Variants in WDR93 observed in about 807,000 individuals in gnomAD.
WDR93 encodes the protein WD repeat-containing protein 93.
Under a neutral mutation model 82.9 loss-of-function variants are expected in WDR93, and 73 were observed. That is an observed-to-expected ratio of 0.88 (90% CI 0.73 to 1.07). WDR93 has a LOEUF of 1.07. WDR93 is among the 50% of genes least tolerant of loss of function. WDR93 has a pLI of 0.00. For missense variants in WDR93, 738 were observed against 826.0 expected (o/e 0.89, Z 1.31); for synonymous variants, 283 against 300.1 (o/e 0.94, Z 0.59).
chr15:89,719,093 C>G (rs532676910), intron 7 of WDR93, among the ~76,000 whole-genome samples: 1 of 150,474 alleles, frequency 6.6e-6, no homozygotes, highest in Non-Finnish European at 1.5e-5. Context: ...TTTTCTTTTT[C>G]TTTTTTCATT....
intron 5 of WDR93, among the ~76,000 whole-genome samples, chr15:89,712,935 G>A (rs1874156018): frequency 6.6e-6 from 1 of 151,994 alleles, no homozygotes; most frequent in Non-Finnish European, 1.5e-5. Context: ...GACCAGCCTG[G>A]CCAACATGGT....
intron 8 of WDR93, 131 bp from the exon 9 acceptor site, chr15:89,727,026 A>G (rs760352686): frequency 8.0e-5 from 83 of 1,038,378 alleles, no homozygotes; most frequent in Non-Finnish European, 1.1e-4. Flanking sequence ...ATACAGACCA[A>G]TTGCAGAGCA....
intron 3 of WDR93, chr15:89,703,467 C>A: frequency 2.7e-6 from 1 of 365,480 alleles, no homozygotes; most frequent in Non-Finnish European, 5.1e-6. Context: ...GCAGTATGGC[C>A]CTGGAGTCCA....
chr15:89,705,669 A>G, intron 4 of WDR93, 51 bp downstream of exon 4: 1 of 1,223,286 alleles, frequency 8.2e-7, no homozygotes, highest in Non-Finnish European at 1.2e-6. Flanking sequence ...GTAGCAAATT[A>G]AGTTTATTTT....
In WDR93 at chr15:89,716,965, G is replaced by GA. The variant is rs1966279119; in HGVS notation, c.795+20dup. ...TTTAGAAATGGTAAGAAACTTTAAAGAAAATCTCCAGAGAGACTTAAGTTT... is the reference window on the plus strand; with the variant it reads ...TTTAGAAATGGTAAGAAACTTTAAAGAAAAATCTCCAGAGAGACTTAAGTTT... On this transcript the variant is annotated intron_variant, in intron 7 of 16. Coordinates refer to ENST00000268130, the MANE Select transcript of WDR93 (RefSeq NM_020212.2). 6.7e-7 allele frequency: 1 copy of GA among 1,483,130 alleles called. No homozygotes were observed. The highest frequency in any genetic ancestry group is 2.1e-5 in the Admixed American group (1 of 48,074). The allele number at this position is 1,483,130 out of a possible 1,614,324, so 91.9% of individuals were successfully genotyped here. A position where few individuals can be genotyped will look rare whatever the true frequency, so the allele number is the denominator to read the frequency against.
intron 1 of WDR93, among the ~76,000 whole-genome samples, chr15:89,700,538 A>G (rs1257031680): frequency 2.7e-5 from 4 of 146,144 alleles, no homozygotes; most frequent in African/African-American, 1.0e-4. Context: ...AAGCCTTTTT[A>G]TAATGTACAC....
chr15:89,699,966 G>C (rs1187573056), intron 1 of WDR93, among the ~76,000 whole-genome samples: 1 of 151,936 alleles, frequency 6.6e-6, no homozygotes, highest in Non-Finnish European at 1.5e-5. Flanking sequence ...CCTTTCTATA[G>C]CCCAAGTAAT....
intron 1 of WDR93, among the ~76,000 whole-genome samples, chr15:89,701,148 T>C (rs555210574): frequency 6.6e-6 from 1 of 152,338 alleles, no homozygotes; most frequent in Non-Finnish European, 1.5e-5. Context: ...CTTTTTTTAA[T>C]GTCTCAAACA....
At chr15:89,697,832 A>G (rs1965256505) in intron 1 of WDR93, among the ~76,000 whole-genome samples, 1 of 151,750 alleles carries the variant, frequency 6.6e-6, no homozygotes, top group African/African-American at 2.4e-5. Context: ...TAGGTGCATA[A>G]ACATTTAGGA....
rs1160042418 is a variant in WDR93, at chr15:89,703,073, G to A, written c.427G>A (p.Val143Ile). 1 of 1,614,054 alleles carries A rather than the reference G, an allele frequency of 6.2e-7. No homozygotes were observed. The highest frequency in any genetic ancestry group is 8.5e-7 in the Non-Finnish European group (1 of 1,180,030). The change falls in exon 3 of 17, where the codon GTT (valine) becomes ATT (isoleucine). Residue 143 changes from valine to isoleucine, a missense_variant. Physicochemically the swap from Val to Ile is conservative, Grantham distance 29 (BLOSUM62 3). Coordinates refer to ENST00000268130, the MANE Select transcript of WDR93 (RefSeq NM_020212.2). ...KQIYAWEKLKVDVTSIWATDL... is the reference protein window; with the variant it reads ...KQIYAWEKLKIDVTSIWATDL... ...AATATATGCGTGGGAGAAGCTTAAGGTTGATGTCACTTCCATCTGGGCCAC... is the reference window on the plus strand; with the variant it reads ...AATATATGCGTGGGAGAAGCTTAAGATTGATGTCACTTCCATCTGGGCCAC...
intron 4 of WDR93, among the ~76,000 whole-genome samples, chr15:89,705,963 G>A (rs1965707803): frequency 6.6e-6 from 1 of 152,118 alleles, no homozygotes; most frequent in South Asian, 2.1e-4. Context: ...TGTTCCTTCT[G>A]CTTCAAATGC....
intron 14 of WDR93, 141 bp from the exon 15 acceptor site, chr15:89,737,432 T>C: frequency 8.7e-7 from 1 of 1,148,140 alleles, no homozygotes; most frequent in Admixed American, 2.2e-5. Context: ...CCAGCAGCCC[T>C]GGATGGATCC....
chr15:89,743,276 G>A lies in WDR93; in HGVS notation c.1962-16G>A, dbSNP rs1401257058. The A allele has an allele frequency of 1.7e-5, 28 of 1,613,978 alleles. No individual in the cohort carries two copies. The highest frequency in any genetic ancestry group is 2.3e-5 in the Non-Finnish European group (27 of 1,179,826). On this transcript the variant is annotated splice_polypyrimidine_tract_variant and intron_variant, in intron 16 of 16. Transcript: ENST00000268130. ...GTGAGAGGAGATTCCTCTCATCACA[G>A]TTGTGTGGCCCTCAGCTATCGGAAG... is the stretch of plus-strand genomic sequence containing the variant.
At chr15:89,733,240 ACGGG>A in intron 13 of WDR93, 21 bp downstream of exon 13, 1 of 1,605,446 alleles carries the variant, frequency 6.2e-7, no homozygotes, top group Non-Finnish European at 8.5e-7. Context: ...TGAGGGTGGG[ACGGG>A]GTAAATAATT....
In WDR93 at chr15:89,727,280, C is replaced by G. The variant is rs776178217; in HGVS notation, c.1004C>G (p.Ala335Gly). The change falls in exon 9 of 17, where the codon GCT (alanine) becomes GGT (glycine). Residue 335 changes from alanine to glycine, a missense_variant. Ala to Gly is a moderately conservative substitution (Grantham distance 60). Coordinates refer to ENST00000268130, the MANE Select transcript of WDR93 (RefSeq NM_020212.2). The stretch of plus-strand genomic sequence containing the variant: ...GAGCAGCAAGCTGAGATCTTCAACG[C>G]TTCCTACAAGAAGTACCTAGATAGG... Reference protein sequence around the residue: ...QWEQQAEIFNASYKKYLDREW... With the variant: ...QWEQQAEIFNGSYKKYLDREW... 1 of 1,614,180 alleles carries G rather than the reference C, an allele frequency of 6.2e-7. No individual in the cohort carries two copies. The highest frequency in any genetic ancestry group is 1.1e-5 in the South Asian group (1 of 91,086).
intron 1 of WDR93, among the ~76,000 whole-genome samples, chr15:89,698,270 C>G (rs1466159804): frequency 6.6e-6 from 1 of 152,182 alleles, no homozygotes; most frequent in African/African-American, 2.4e-5. Context: ...AATGTAGTCA[C>G]TCCAGCTTTC....
Position 89,696,193 on chromosome 15 carries a change from T to G in WDR93, c.-41+5336T>G, listed in dbSNP as rs75128786. Among the ~76,000 whole-genome samples the G allele has an allele frequency of 9.0e-3, 1,364 of 152,338 alleles. 22 individuals are homozygous for G. Among genetic ancestry groups the G allele is most frequent in the African/African-American group, 0.029 (1,215 of 41,570 alleles). ...ACTGATCTGTTCCCCATTACTCAGTTTGCATTTTTGAGAATGCTGTATAAA... is the reference window on the plus strand; with the variant it reads ...ACTGATCTGTTCCCCATTACTCAGTGTGCATTTTTGAGAATGCTGTATAAA... On this transcript the variant is annotated intron_variant, in intron 1 of 16. Coordinates refer to ENST00000268130, the MANE Select transcript of WDR93 (RefSeq NM_020212.2).
At chr15:89,691,337 C>T (rs1189214290) in intron 1 of WDR93, among the ~76,000 whole-genome samples, 1 of 152,218 alleles carries the variant, frequency 6.6e-6, no homozygotes, top group African/African-American at 2.4e-5. Context: ...TGAAATTGCA[C>T]CGCTGAACAT....
chr15:89,721,894 A>G (rs1966543055), intron 7 of WDR93, among the ~76,000 whole-genome samples, 161 bp from the exon 8 acceptor site: 1 of 152,230 alleles, frequency 6.6e-6, no homozygotes, highest in Non-Finnish European at 1.5e-5. Context: ...TTAAATCTAC[A>G]GTCTTGCTAT....
Sources: allele counts gnomAD v4.1 joint callset (sites outside exome capture counted in the v4.1 genomes callset), GRCh38; gene constraint gnomAD v4.1.1; transcripts MANE v1.5; gene names NCBI Gene and HGNC (gene_info 2026-07-23, HGNC 2026-07-21).